Variants in AGFG2 observed in about 807,000 individuals in gnomAD.
The protein encoded by AGFG2 is arf-GAP domain and FG repeat-containing protein 2.
AGFG2 carries 31 observed loss-of-function variants against 48.0 expected under a neutral mutation model. The observed-to-expected ratio is 0.65, with a 90% CI of 0.49 to 0.87. AGFG2 has a LOEUF of 0.87. Ranked by LOEUF, AGFG2 falls within the 40% of genes least tolerant of loss-of-function variation. The pLI is 0.00. For missense variants in AGFG2, 599 were observed against 632.6 expected (o/e 0.95, Z 0.57); for synonymous variants, 229 against 260.8 (o/e 0.88, Z 1.18).
chr7:100,539,252 C>T lies in AGFG2; in HGVS notation c.-95C>T. On this transcript the variant is annotated 5_prime_UTR_variant, in exon 1 of 12. Coordinates refer to ENST00000300176, the MANE Select transcript of AGFG2 (RefSeq NM_006076.5). ...ATGCCGCCCGCTCCCGAGCTTCTGT[C>T]AGGGGAGCCGGGCGTGCGGAGGCGG... 4.1e-6 allele frequency: 5 copies of T among 1,213,096 alleles called. No individual in the cohort carries two copies. Among genetic ancestry groups the T allele is most frequent in the Non-Finnish European group, 5.2e-6 (5 of 957,116 alleles). The allele number at this position is 1,213,096 out of a possible 1,614,324, so 75.1% of individuals were successfully genotyped here. A position where few individuals can be genotyped will look rare whatever the true frequency, so the allele number is the denominator to read the frequency against.
chr7:100,548,470 G>T (rs897064553), intron 1 of AGFG2, among the ~76,000 whole-genome samples: 2 of 151,942 alleles, frequency 1.3e-5, no homozygotes, highest in African/African-American at 4.8e-5. Flanking sequence ...GCACTACCAT[G>T]CCCGGCTAAT....
At position 100,547,342 on chromosome 7, in the gene AGFG2, C is replaced by T. The variant is rs1476216303; in HGVS notation, c.222-1480C>T. Among the ~76,000 whole-genome samples, 5 of 151,890 alleles carry T rather than the reference C, an allele frequency of 3.3e-5. No individual in the cohort carries two copies. The East Asian group carries it at 9.6e-4, about 29-fold the overall frequency. ...ATTTTTGTCTCTTTTTCCCCCTTTGCGCTTCCTGAGGATGTCAGCCAGGAC... is the reference window on the plus strand; with the variant it reads ...ATTTTTGTCTCTTTTTCCCCCTTTGTGCTTCCTGAGGATGTCAGCCAGGAC... On this transcript the variant is annotated intron_variant, in intron 1 of 11. Transcript: ENST00000300176.
chr7:100,550,058 C>CA (rs975908903), intron 2 of AGFG2, among the ~76,000 whole-genome samples: 53 of 152,278 alleles, frequency 3.5e-4, no homozygotes, highest in African/African-American at 1.2e-3. Context: ...CCTGTAATCC[C>CA]AGCAGTTTGG....
Position 100,562,605 on chromosome 7 carries a change from T to C in AGFG2, c.1010T>C (p.Met337Thr). Residue 337 changes from methionine to threonine, a missense_variant, in exon 8 of 12, where the codon ATG (methionine) becomes ACG (threonine). Transcript: ENST00000300176. This position sits in a 1 kb window ranked among gnomAD's most constrained non-coding sequence, Gnocchi z 5.4. The part of the protein sequence containing the change: ...AAGVPSSLFG[M>T]AGQVPPLQSV... ...TCCCCGTGTTGTAGCCTCTTCGGGA[T>C]GGCTGGCCAGGTCCCCCCGCTCCAG... 1 of 1,613,102 alleles carries C rather than the reference T, an allele frequency of 6.2e-7. No homozygotes were observed. The highest frequency in any genetic ancestry group is 8.5e-7 in the Non-Finnish European group (1 of 1,179,940).
rs1223322630 is a variant in AGFG2, at chr7:100,563,885, C to T, written c.1223C>T (p.Pro408Leu). The T allele has an allele frequency of 1.9e-6, 3 of 1,610,808 alleles. No homozygotes were observed. In the East Asian group the frequency reaches 6.7e-5, roughly 36 times the overall value. The change falls in exon 10 of 12, where the codon CCA becomes CTA. Residue 408 changes from proline (P) to leucine (L), a missense_variant. Physicochemically the swap from Pro to Leu is moderately conservative, Grantham distance 98. Transcript: ENST00000300176. Reference protein sequence around the residue: ...SAGPGFPQAVPPTGAFASSFP... With the variant: ...SAGPGFPQAVLPTGAFASSFP... ...GGGCCTGGCTTCCCCCAGGCAGTGCCACCCACTGGGGCCTTTGCCAGCTCC... is the reference window on the plus strand; with the variant it reads ...GGGCCTGGCTTCCCCCAGGCAGTGCTACCCACTGGGGCCTTTGCCAGCTCC...
chr7:100,539,224 C>A lies in AGFG2; in HGVS notation c.-123C>A. On this transcript the variant is annotated 5_prime_UTR_variant, in exon 1 of 12. Coordinates refer to ENST00000300176, the MANE Select transcript of AGFG2 (RefSeq NM_006076.5). ...GGGTGGTGGACGGCGAAGTCTCCTG[C>A]GGATGCCGCCCGCTCCCGAGCTTCT... The A allele has an allele frequency of 9.8e-7, 1 of 1,017,218 alleles. No homozygotes were observed. The highest frequency in any genetic ancestry group is 1.3e-6 in the Non-Finnish European group (1 of 781,756). The allele number at this position is 1,017,218 out of a possible 1,614,324, so 63.0% of individuals were successfully genotyped here. A position where few individuals can be genotyped will look rare whatever the true frequency, so the allele number is the denominator to read the frequency against.
At chr7:100,560,006 G>T (rs886067858) in intron 6 of AGFG2, among the ~76,000 whole-genome samples, 2 of 152,148 alleles carry the variant, frequency 1.3e-5, no homozygotes, top group Non-Finnish European at 2.9e-5. Context: ...TCCCAGCCTG[G>T]TCCTCACTGG....
chr7:100,550,361 C>A, intron 2 of AGFG2, 35 bp from the exon 3 acceptor site: 36 of 820,272 alleles, frequency 4.4e-5, no homozygotes, highest in East Asian at 7.0e-5. Context: ...TTCCTGCTTT[C>A]TGCTCCCACT....
chr7:100,552,304 T>G (rs528328043), intron 3 of AGFG2, among the ~76,000 whole-genome samples: 33 of 152,274 alleles, frequency 2.2e-4, no homozygotes, highest in African/African-American at 7.9e-4. Context: ...TGCATGGCAT[T>G]TACATTGTAT....
Position 100,564,206 on chromosome 7 carries a change from C to T in AGFG2, c.1301-12C>T, listed in dbSNP as rs371151558. The T allele has an allele frequency of 2.5e-6, 4 of 1,606,004 alleles. No individual in the cohort carries two copies. The highest frequency in any genetic ancestry group is 3.4e-6 in the Non-Finnish European group (4 of 1,176,040). On this transcript the variant is annotated splice_polypyrimidine_tract_variant and intron_variant, in intron 10 of 11. Transcript: ENST00000300176. ...GGCTGGTGTCAGCTGAGTGACTGCT[C>T]TCGCCCCCTAGGCTCTTCCTTCGGG... is the stretch of plus-strand genomic sequence containing the variant.
At chr7:100,541,069 C>T (rs940809329) in intron 1 of AGFG2, among the ~76,000 whole-genome samples, 5 of 149,674 alleles carry the variant, frequency 3.3e-5, no homozygotes, top group Non-Finnish European at 1.5e-5. Flanking sequence ...AGCCAGGGAG[C>T]GAGCACTATT....
chr7:100,562,950 A>G lies in AGFG2; in HGVS notation c.1171+4A>G. ...CAGCCCAATGGCTTGGCGCCAGGTA[A>G]GCCTCCAGCATGGTCCCTTGTCCTG... On this transcript the variant is annotated splice_donor_region_variant and intron_variant, in intron 9 of 11. Coordinates refer to ENST00000300176, the MANE Select transcript of AGFG2 (RefSeq NM_006076.5). This position sits in a 1 kb window ranked among gnomAD's most constrained non-coding sequence, Gnocchi z 5.4. 6.2e-7 allele frequency: 1 copy of G among 1,612,816 alleles called. No homozygotes were observed. The highest frequency in any genetic ancestry group is 1.1e-5 in the South Asian group (1 of 90,982).
At chr7:100,548,797 CT>C in intron 1 of AGFG2, 24 bp from the exon 2 acceptor site, 1 of 1,580,854 alleles carries the variant, frequency 6.3e-7, no homozygotes, top group East Asian at 2.2e-5. Flanking sequence ...TTATACTTCT[CT>C]TTCTTCCTGT....
chr7:100,545,891 CCT>C (rs144469119), intron 1 of AGFG2, among the ~76,000 whole-genome samples: 3 of 152,114 alleles, frequency 2.0e-5, no homozygotes, highest in Admixed American at 2.0e-4. Flanking sequence ...CCAGCAGTGG[CCT>C]CTCTGTGATT....
chr7:100,561,819 C>G (rs1166386063), intron 6 of AGFG2, among the ~76,000 whole-genome samples: 1 of 152,184 alleles, frequency 6.6e-6, no homozygotes, highest in Non-Finnish European at 1.5e-5. Context: ...CCAGGAGCCT[C>G]CTGAGTGTGA....
rs769368060 is a variant in AGFG2, at chr7:100,565,005, G to A, written c.*14G>A. On this transcript the variant is annotated 3_prime_UTR_variant, in exon 12 of 12. Transcript: ENST00000300176. ...CCCTTCTTGTAGCACTGTGTTTTTG[G>A]GGGGCCTCTTCCCTGCCTTCTGGGG... 2 of 1,613,910 alleles carry A rather than the reference G, an allele frequency of 1.2e-6. No homozygotes were observed. The highest frequency in any genetic ancestry group is 3.3e-4 in the Middle Eastern group (2 of 6,062).
At chr7:100,560,742 G>C (rs1800849441) in intron 6 of AGFG2, among the ~76,000 whole-genome samples, 2 of 151,666 alleles carry the variant, frequency 1.3e-5, no homozygotes, top group African/African-American at 2.4e-5. Flanking sequence ...TAGATTCTCA[G>C]CTTCACCCAT....
intron 6 of AGFG2, chr7:100,556,524 A>T: frequency 8.1e-7 from 1 of 1,237,728 alleles, no homozygotes; most frequent in South Asian, 1.3e-5. Flanking sequence ...TCTGGGGAAA[A>T]GCCAGTGACA....
Position 100,550,751 on chromosome 7 carries a change from G to T in AGFG2, c.431+240G>T, listed in dbSNP as rs528811835. ...AGAGATAGTAGACTGATTGGAGTCGGGAGGTAGGCCTGTGGGTGTTCATTT... is the reference window on the plus strand; with the variant it reads ...AGAGATAGTAGACTGATTGGAGTCGTGAGGTAGGCCTGTGGGTGTTCATTT... On this transcript the variant is annotated intron_variant, in intron 3 of 11. Coordinates refer to ENST00000300176, the MANE Select transcript of AGFG2 (RefSeq NM_006076.5). 6.6e-5 allele frequency among the ~76,000 whole-genome samples: 10 copies of T among 152,154 alleles called. No individual in the cohort carries two copies. In the South Asian group the frequency reaches 2.1e-3, roughly 32 times the overall value.
Sources: gnomAD v4.1 joint callset for allele counts (sites outside exome capture counted in the v4.1 genomes callset) on GRCh38, gnomAD v4.1.1 for gene constraint, Gnocchi (gnomAD v3.1) non-coding constraint, MANE v1.5 for transcripts, NCBI Gene and HGNC (gene_info 2026-07-23, HGNC 2026-07-21) for gene names.